C14orf132: variants seen among roughly 807,000 people sequenced by gnomAD.
C14orf132 encodes chromosome 14 open reading frame 132, also known as uncharacterized protein C14orf132.
Under a neutral mutation model 5.8 loss-of-function variants are expected in C14orf132, and 6 were observed. The observed-to-expected ratio is 1.03, with a 90% CI of 0.57 to 2.04. The LOEUF is 2.04. Among genes scored for constraint, C14orf132 ranks in the 30% most tolerant of loss-of-function variants. The pLI is 0.00. For missense variants in C14orf132, 125 were observed against 115.8 expected (o/e 1.08, Z -0.37); for synonymous variants, 51 against 49.8 (o/e 1.02, Z -0.10).
chr14:96,084,039 C>T (rs1166549386), intron 1 of C14orf132, among the ~76,000 whole-genome samples: 2 of 152,210 alleles, frequency 1.3e-5, no homozygotes, highest in African/African-American at 4.8e-5. Flanking sequence ...CTTCCTCTTT[C>T]CCCAGTGATT....
chr14:96,083,208 A>G (rs1018474208), intron 1 of C14orf132, among the ~76,000 whole-genome samples: 29 of 152,116 alleles, frequency 1.9e-4, no homozygotes, highest in African/African-American at 6.3e-4. Flanking sequence ...TTTACTTGTC[A>G]CTTTTTTTGT....
At chr14:96,062,518 A>G (rs994086926) in intron 1 of C14orf132, among the ~76,000 whole-genome samples, 1 of 152,010 alleles carries the variant, frequency 6.6e-6, no homozygotes, top group African/African-American at 2.4e-5. Context: ...AGCCCTCCAC[A>G]TGTGTCTTTA....
At chr14:96,075,272 A>C (rs1272037661) in intron 1 of C14orf132, among the ~76,000 whole-genome samples, 1 of 152,206 alleles carries the variant, frequency 6.6e-6, no homozygotes, top group African/African-American at 2.4e-5. Context: ...TGACCTTTCA[A>C]AATTCAGTTA....
At chr14:96,071,059 A>T (rs2139669829) in intron 1 of C14orf132, among the ~76,000 whole-genome samples, 1 of 152,326 alleles carries the variant, frequency 6.6e-6, no homozygotes, top group South Asian at 2.1e-4. Context: ...ATAAGGACAT[A>T]CCTGAGACTG....
chr14:96,057,930 C>T (rs1201546837), intron 1 of C14orf132, among the ~76,000 whole-genome samples: 1 of 152,158 alleles, frequency 6.6e-6, no homozygotes, highest in African/African-American at 2.4e-5. Context: ...GCCATTGGTC[C>T]CTTGAGTCAC....
At chr14:96,079,841 C>A (rs1887977932) in intron 1 of C14orf132, among the ~76,000 whole-genome samples, 1 of 152,162 alleles carries the variant, frequency 6.6e-6, no homozygotes, top group Non-Finnish European at 1.5e-5. Flanking sequence ...TGTACAAATT[C>A]TGAAATTGCT....
intron 1 of C14orf132, among the ~76,000 whole-genome samples, chr14:96,084,126 T>C (rs139597283): frequency 5.3e-4 from 81 of 152,270 alleles, no homozygotes; most frequent in Non-Finnish European, 6.8e-4. Context: ...GAGAGCTCCA[T>C]AGGGTGGGAG....
At chr14:96,054,176 C>T (rs987265201) in intron 1 of C14orf132, among the ~76,000 whole-genome samples, 4 of 152,160 alleles carry the variant, frequency 2.6e-5, no homozygotes, top group African/African-American at 9.7e-5. Flanking sequence ...ATCCCTTATG[C>T]AGGGTGAGTC....
intron 1 of C14orf132, among the ~76,000 whole-genome samples, chr14:96,085,662 C>T (rs1046753356): frequency 2.0e-5 from 3 of 152,204 alleles, no homozygotes; most frequent in African/African-American, 7.2e-5. Flanking sequence ...GGAAGGTATA[C>T]AGTGTTCATA....
At chr14:96,048,419 A>G (rs2139645125) in intron 1 of C14orf132, among the ~76,000 whole-genome samples, 1 of 152,344 alleles carries the variant, frequency 6.6e-6, no homozygotes, top group South Asian at 2.1e-4. Context: ...TTTCCAGGGT[A>G]TCATAGTTGG....
In C14orf132 at chr14:96,063,374, T is replaced by A. The variant is rs955193152; in HGVS notation, c.28-23137T>A. Among the ~76,000 whole-genome samples the A allele has an allele frequency of 3.9e-5, 6 of 152,126 alleles. No individual in the cohort carries two copies. The South Asian group carries it at 1.2e-3, about 32-fold the overall frequency. On this transcript the variant is annotated intron_variant, in intron 1 of 1. Transcript: ENST00000555004. Reference sequence around the variant, plus strand: ...CCCAGGCTGGAGTGTAGTGGTACAATCTTGGCTCACTGTAACGTCTGTCTC... The same window carrying A: ...CCCAGGCTGGAGTGTAGTGGTACAAACTTGGCTCACTGTAACGTCTGTCTC...
chr14:96,074,355 T>C (rs1781706686), intron 1 of C14orf132, among the ~76,000 whole-genome samples: 1 of 152,226 alleles, frequency 6.6e-6, no homozygotes, highest in African/African-American at 2.4e-5. Flanking sequence ...ATGGAGAAAA[T>C]GTTTTTAATT....
chr14:96,060,964 T>C (rs1308085001), intron 1 of C14orf132, among the ~76,000 whole-genome samples: 2 of 152,204 alleles, frequency 1.3e-5, no homozygotes, highest in Non-Finnish European at 2.9e-5. Flanking sequence ...AAGCTCATAA[T>C]TCTCAAGTTT....
In C14orf132 at chr14:96,093,581, G is replaced by A. The variant is rs906603039; in HGVS notation, c.*6846G>A. 4 of 152,154 alleles carry A rather than the reference G, an allele frequency of 2.6e-5. No individual in the cohort carries two copies. The highest frequency in any genetic ancestry group is 9.7e-5 in the African/African-American group (4 of 41,436). The allele number at this position is 152,154 out of a possible 1,614,324, so 9.4% of individuals were successfully genotyped here. A position where few individuals can be genotyped will look rare whatever the true frequency, so the allele number is the denominator to read the frequency against. On this transcript the variant is annotated 3_prime_UTR_variant, in exon 2 of 2. Coordinates refer to ENST00000555004, the MANE Select transcript of C14orf132 (RefSeq NM_001252507.3). Reference sequence around the variant, plus strand: ...ACCAATTCTTCATGCCGAGAGCATCGGAAATGTTTTTGTGTCTTACTGATG... The same window carrying A: ...ACCAATTCTTCATGCCGAGAGCATCAGAAATGTTTTTGTGTCTTACTGATG...
intron 1 of C14orf132, among the ~76,000 whole-genome samples, chr14:96,071,143 A>G (rs1276522431): frequency 1.3e-5 from 2 of 152,156 alleles, no homozygotes; most frequent in Admixed American, 6.5e-5. Flanking sequence ...GAAACTTACA[A>G]TCATGGCGAA....
At chr14:96,049,401 C>G (rs1239570813) in intron 1 of C14orf132, among the ~76,000 whole-genome samples, 1 of 148,838 alleles carries the variant, frequency 6.7e-6, no homozygotes, top group Non-Finnish European at 1.5e-5. Flanking sequence ...AGTGCAGTGG[C>G]TTGATCTCGG....
In C14orf132 at chr14:96,068,745, C is replaced by T. The variant is rs140240772; in HGVS notation, c.28-17766C>T. ...GTCACCTTTAGCATGTGCTGTGCTC[C>T]AGGGGCTGTGCTGAGCACCAGAGGA... On this transcript the variant is annotated intron_variant, in intron 1 of 1. Transcript: ENST00000555004. 3.4e-3 allele frequency among the ~76,000 whole-genome samples: 516 copies of T among 152,230 alleles called. 8 individuals carry two copies. In the East Asian group the frequency reaches 0.045, roughly 13 times the overall value.
At position 96,049,651 on chromosome 14, in the gene C14orf132, T is replaced by TAGAG. The variant is rs375260509; in HGVS notation, c.27+10125_27+10126insGAGA. Among the ~76,000 whole-genome samples, 14 of 67,810 alleles carry TAGAG rather than the reference T, an allele frequency of 2.1e-4. 1 individual carries two copies. In the South Asian group the frequency reaches 3.3e-3, roughly 16 times the overall value. 44.5% of individuals were successfully genotyped at this position (67,810 alleles called of 152,430 possible). On this transcript the variant is annotated intron_variant, in intron 1 of 1. Transcript: ENST00000555004. ...ATATACATATATACGTATATATATA[T>TAGAG]ATAGAGAGAGAGAGAGAGAGAGTTC...
In C14orf132 at chr14:96,054,094, G is replaced by A. The variant is rs540862997; in HGVS notation, c.27+14567G>A. On this transcript the variant is annotated intron_variant, in intron 1 of 1. Coordinates refer to ENST00000555004, the MANE Select transcript of C14orf132 (RefSeq NM_001252507.3). ...TGGAAGTTCTGACTCGTCTGTTTGC[G>A]CTATTCTGGGATGCTGACCAAACCG... 1.2e-4 allele frequency among the ~76,000 whole-genome samples: 18 copies of A among 152,232 alleles called. 1 individual carries two copies. The South Asian group carries it at 2.5e-3, about 21-fold the overall frequency.
Sources: gnomAD v4.1 joint callset for allele counts (sites outside exome capture counted in the v4.1 genomes callset) on GRCh38, gnomAD v4.1.1 for gene constraint, MANE v1.5 for transcripts, NCBI Gene and HGNC (gene_info 2026-07-23, HGNC 2026-07-21) for gene names.